Variants in NALF1 observed in about 807,000 individuals in gnomAD.
NALF1 encodes family with sequence similarity 155 member A.
NALF1 carries 3 observed loss-of-function variants against 48.4 expected under a neutral mutation model. The ratio of observed to expected loss-of-function variants is 0.06; its 90% CI spans 0.03 to 0.16. The LOEUF is 0.16. Among genes scored for constraint, NALF1 ranks in the 10% least tolerant of loss-of-function variants. NALF1 has a pLI of 1.00. For missense variants in NALF1, 526 were observed against 571.5 expected (o/e 0.92, Z 0.81); for synonymous variants, 262 against 245.7 (o/e 1.07, Z -0.62).
intron 1 of NALF1, among the ~76,000 whole-genome samples, chr13:107,631,339 G>A (rs943269200): frequency 1.3e-5 from 2 of 152,008 alleles, no homozygotes; most frequent in African/African-American, 2.4e-5. Context: ...ACTGTGTAGG[G>A]GTGGCTCCCA....
At chr13:107,418,559 CTTTTA>C (rs1884132982) in intron 1 of NALF1, among the ~76,000 whole-genome samples, 3 of 151,988 alleles carry the variant, frequency 2.0e-5, no homozygotes, top group African/African-American at 7.3e-5. Context: ...TTTCCCCCAA[CTTTTA>C]TTTTAGGCTC....
Position 107,658,229 on chromosome 13 carries a change from T to C in NALF1, c.915+207453A>G, listed in dbSNP as rs549554311. Among the ~76,000 whole-genome samples the C allele has an allele frequency of 2.7e-5, 4 of 150,220 alleles. No homozygotes were observed. In the East Asian group the frequency reaches 7.8e-4, roughly 29 times the overall value. On this transcript the variant is annotated intron_variant, in intron 1 of 2. Transcript: ENST00000375915. ...AGGAAGATTGGTGGATTTATCTTAC[T>C]TAGTCTTCAAAATTCTTATCTATCT...
chr13:107,680,760 T>C (rs1179481582), intron 1 of NALF1, among the ~76,000 whole-genome samples: 1 of 150,406 alleles, frequency 6.6e-6, no homozygotes, highest in African/African-American at 2.5e-5. Flanking sequence ...TGTAAGAGTA[T>C]GTGAGTGTGC....
intron 1 of NALF1, among the ~76,000 whole-genome samples, chr13:107,308,610 C>G (rs954483436): frequency 6.6e-6 from 1 of 152,092 alleles, no homozygotes; most frequent in African/African-American, 2.4e-5. Context: ...CCATGAATTA[C>G]AAATAGACTG....
At chr13:107,277,311 C>A (rs1881300895) in intron 1 of NALF1, among the ~76,000 whole-genome samples, 1 of 152,034 alleles carries the variant, frequency 6.6e-6, no homozygotes, top group Non-Finnish European at 1.5e-5. Context: ...ATAATGTTAG[C>A]AAACAGTATA....
chr13:107,426,980 T>C (rs1884291421), intron 1 of NALF1, among the ~76,000 whole-genome samples: 1 of 151,930 alleles, frequency 6.6e-6, no homozygotes, highest in Non-Finnish European at 1.5e-5. Flanking sequence ...TTATATTAAG[T>C]GCAACAAGTA....
rs1876741881 is a variant in NALF1 at position 107,534,446 on chromosome 13, A to G, written c.916-323691T>C. On this transcript the variant is annotated intron_variant, in intron 1 of 2. Coordinates refer to ENST00000375915, the MANE Select transcript of NALF1 (RefSeq NM_001080396.3). ...CAATAAGGACAAAAGTTAATATGAA[A>G]TACTAATGTTATTTTTTGTTTTCTT... 3.3e-5 allele frequency among the ~76,000 whole-genome samples: 5 copies of G among 152,326 alleles called. No individual in the cohort carries two copies. In the South Asian group the frequency reaches 8.3e-4, roughly 25 times the overall value.
intron 1 of NALF1, among the ~76,000 whole-genome samples, chr13:107,363,873 A>G (rs183483678): frequency 1.3e-5 from 2 of 152,304 alleles, no homozygotes; most frequent in Admixed American, 1.3e-4. Flanking sequence ...CTTCTCAAGA[A>G]ATGGCAAGAG....
At chr13:107,220,713 TGTGAATGCTCCC>T in intron 1 of NALF1, among the ~76,000 whole-genome samples, 1 of 152,238 alleles carries the variant, frequency 6.6e-6, no homozygotes, top group Admixed American at 6.5e-5. Context: ...TGAATCCCAC[TGTGAATGCTCCC>T]GTCAGTGCAC....
At chr13:107,240,946 T>C (rs1301064575) in intron 1 of NALF1, among the ~76,000 whole-genome samples, 1 of 150,344 alleles carries the variant, frequency 6.7e-6, no homozygotes, top group Non-Finnish European at 1.5e-5. Context: ...GACTGGGAAA[T>C]TTAAAAAGAA....
chr13:107,338,237 A>G (rs1882596653), intron 1 of NALF1, among the ~76,000 whole-genome samples: 1 of 152,172 alleles, frequency 6.6e-6, no homozygotes, highest in Admixed American at 6.5e-5. Context: ...TGTCTGACCT[A>G]ATTCTTACAA....
intron 1 of NALF1, among the ~76,000 whole-genome samples, chr13:107,401,084 T>C (rs1252288038): frequency 1.3e-5 from 2 of 152,168 alleles, no homozygotes; most frequent in East Asian, 1.9e-4. Flanking sequence ...TCTTAAAATA[T>C]TAAATAAAAA....
intron 1 of NALF1, among the ~76,000 whole-genome samples, chr13:107,789,806 G>A (rs1188959753): frequency 1.3e-5 from 2 of 152,104 alleles, no homozygotes; most frequent in Non-Finnish European, 2.9e-5. Context: ...CCAGGGAGTT[G>A]GTTATATTCA....
chr13:107,745,440 G>T (rs973033156), intron 1 of NALF1, among the ~76,000 whole-genome samples: 6 of 152,164 alleles, frequency 3.9e-5, no homozygotes, highest in South Asian at 2.1e-4. Context: ...AGCAGTTCTA[G>T]TATGTTGCCT....
chr13:107,327,259 G>T (rs1882382153), intron 1 of NALF1, among the ~76,000 whole-genome samples: 1 of 152,012 alleles, frequency 6.6e-6, no homozygotes, highest in Non-Finnish European at 1.5e-5. Context: ...ACCTAGCTTA[G>T]TCCATTGGCT....
In NALF1 at chr13:107,298,218, C is replaced by T. The variant is rs1881762140; in HGVS notation, c.916-87463G>A. Reference sequence around the variant, plus strand: ...ACACAAAATTAGCCGGGTGTGTTGGCGGGCGCCTGTAGTCCCAACTACTAG... The same window carrying T: ...ACACAAAATTAGCCGGGTGTGTTGGTGGGCGCCTGTAGTCCCAACTACTAG... On this transcript the variant is annotated intron_variant, in intron 1 of 2. Transcript: ENST00000375915. Among the ~76,000 whole-genome samples, 5 of 151,386 alleles carry T rather than the reference C, an allele frequency of 3.3e-5. No homozygotes were observed. The South Asian group carries it at 8.4e-4, about 25-fold the overall frequency.
chr13:107,416,945 T>A (rs1041361278), intron 1 of NALF1, among the ~76,000 whole-genome samples: 8 of 152,214 alleles, frequency 5.3e-5, no homozygotes, highest in African/African-American at 1.7e-4. Flanking sequence ...AGACCCGATG[T>A]GGAATTGACT....
intron 1 of NALF1, among the ~76,000 whole-genome samples, chr13:107,346,410 G>C (rs1882773904): frequency 6.6e-6 from 1 of 152,152 alleles, no homozygotes; most frequent in African/African-American, 2.4e-5. Context: ...AGAAAATATG[G>C]TGTATACGCA....
intron 1 of NALF1, among the ~76,000 whole-genome samples, chr13:107,590,076 C>A (rs1009783715): frequency 2.6e-5 from 4 of 151,978 alleles, no homozygotes; most frequent in African/African-American, 9.7e-5. Context: ...TTATAATAGT[C>A]ATGAGTACTA....
Sources: gnomAD v4.1 joint callset for allele counts (sites outside exome capture counted in the v4.1 genomes callset) on GRCh38, gnomAD v4.1.1 for gene constraint, MANE v1.5 for transcripts, NCBI Gene and HGNC (gene_info 2026-07-23, HGNC 2026-07-21) for gene names.